WT1: variants seen among roughly 807,000 people sequenced by gnomAD.
The protein encoded by WT1 is Wilms tumor protein.
In WT1, 8 loss-of-function variants were observed where a neutral mutation model predicts 60.8. The observed-to-expected ratio is 0.13, with a 90% CI of 0.08 to 0.24. The LOEUF is 0.24. WT1 is among the 10% of genes least tolerant of loss of function. The pLI is 1.00. For missense variants in WT1, 568 were observed against 711.8 expected, an observed-to-expected ratio of 0.80 and a Z score of 2.30; for synonymous variants, 312 against 297.1, an observed-to-expected ratio of 1.05 and a Z score of -0.52.
rs1853459284 is a variant in WT1, at chr11:32,435,032, A to G, written c.329T>C (p.Val110Ala). ...AGCGCCCGGGGGCGCAAAGTCCAGC[A>G]CCGGCGCCCACTGCGCCGCGCCGCT... The change falls in exon 1 of 10, where the codon GTG becomes GCG. Residue 110 changes from valine to alanine, a missense_variant. By Grantham distance (64) the Val-to-Ala change is moderately conservative. Around this residue, in one of 3 missense-constraint regions of WT1, gnomAD observed 523 missense variants for 565.1 expected, o/e 0.93. Transcript: ENST00000452863. 6 of 1,464,572 alleles carry G rather than the reference A, an allele frequency of 4.1e-6. No homozygotes were observed. Among genetic ancestry groups the G allele is most frequent in the Middle Eastern group, 2.5e-4 (1 of 4,078 alleles). 90.7% of individuals were successfully genotyped at this position (1,464,572 alleles called of 1,614,324 possible).
intron 5 of WT1, among the ~76,000 whole-genome samples, chr11:32,405,548 T>C (rs764918442): frequency 6.7e-6 from 1 of 150,004 alleles, no homozygotes; most frequent in East Asian, 1.9e-4. Context: ...ATATACAGAA[T>C]ATATACTTAT....
rs5030323 is a variant in WT1 at position 32,388,194 on chromosome 11, A to T, written c.*864T>A. On this transcript the variant is annotated 3_prime_UTR_variant, in exon 10 of 10. Transcript: ENST00000452863. ...CTTTTAAAGTCACTTTCATTTTTAC[A>T]ACTTGAAGCCATATACCAGCATGGT... 3.3e-3 allele frequency: 768 copies of T among 233,710 alleles called. 9 individuals carry two copies. The highest frequency in any genetic ancestry group is 0.016 in the African/African-American group (733 of 45,398). The allele number at this position is 233,710 out of a possible 1,614,324, so 14.5% of individuals were successfully genotyped here. A position where few individuals can be genotyped will look rare whatever the true frequency, so the allele number is the denominator to read the frequency against.
intron 3 of WT1, among the ~76,000 whole-genome samples, chr11:32,427,003 C>T (rs1402821942): frequency 6.6e-6 from 1 of 152,170 alleles, no homozygotes; most frequent in Admixed American, 6.5e-5. Context: ...ACGTCAGCCC[C>T]GGGTCCCCGC....
At position 32,430,491 on chromosome 11, in the gene WT1, A is replaced by AGAGAGAGAGAGAGAGAGG. The variant is rs757737927; in HGVS notation, c.662-1873_662-1872insCCTCTCTCTCTCTCTCTC. On this transcript the variant is annotated intron_variant, in intron 1 of 9. Transcript: ENST00000452863. ...GAGAGAGAGAGAGAGAGAGAGAGAG[A>AGAGAGAGAGAGAGAGAGG]CGAAATAGAAGCTACGAAGAAGTTT... 1.7e-5 allele frequency: 26 copies of AGAGAGAGAGAGAGAGAGG among 1,561,524 alleles called. No individual in the cohort carries two copies. In the African/African-American group the frequency reaches 2.8e-4, roughly 17 times the overall value.
At chr11:32,426,730 G>A (rs942422617) in intron 3 of WT1, among the ~76,000 whole-genome samples, 1 of 152,224 alleles carries the variant, frequency 6.6e-6, no homozygotes. Context: ...CGCCTCAGGC[G>A]TTAGAAATAG....
intron 5 of WT1, among the ~76,000 whole-genome samples, chr11:32,414,152 AT>A (rs1297184495): frequency 6.6e-6 from 1 of 152,232 alleles, no homozygotes; most frequent in African/African-American, 2.4e-5. Context: ...GCTAATTGTA[AT>A]TTTTGCTCTG....
chr11:32,389,796 T>C (rs756997790), intron 9 of WT1, among the ~76,000 whole-genome samples: 6 of 152,102 alleles, frequency 3.9e-5, no homozygotes, highest in South Asian at 2.1e-4. Context: ...AAGATTCTAG[T>C]TGGGGCGTGG....
At position 32,434,681 on chromosome 11, in the gene WT1, C is replaced by G. The variant is rs1413587778; in HGVS notation, c.661+19G>C. 1.2e-6 allele frequency: 2 copies of G among 1,612,518 alleles called. No individual in the cohort carries two copies. The highest frequency in any genetic ancestry group is 1.7e-6 in the Non-Finnish European group (2 of 1,179,890). ...GCGCCACTGCCCCGCGCGTAGGGGG[C>G]GCTCCCCGGCCTACTTACCCTGATT... is the stretch of plus-strand genomic sequence containing the variant. On this transcript the variant is annotated intron_variant, in intron 1 of 9. Coordinates refer to ENST00000452863, the MANE Select transcript of WT1 (RefSeq NM_024426.6).
At chr11:32,415,495 A>G (rs1489228918) in intron 5 of WT1, among the ~76,000 whole-genome samples, 2 of 152,210 alleles carry the variant, frequency 1.3e-5, no homozygotes, top group Non-Finnish European at 2.9e-5. Flanking sequence ...CTAAAAATAC[A>G]AAATTAGCCG....
intron 5 of WT1, among the ~76,000 whole-genome samples, chr11:32,414,864 C>T (rs2133024686): frequency 1.4e-5 from 2 of 145,480 alleles, no homozygotes; most frequent in East Asian, 4.0e-4. Context: ...CAGAGTGGGA[C>T]TCCATATCAA....
chr11:32,387,960 G>A lies in WT1; in HGVS notation c.*1098C>T, dbSNP rs5030327. On this transcript the variant is annotated 3_prime_UTR_variant, in exon 10 of 10. Coordinates refer to ENST00000452863, the MANE Select transcript of WT1 (RefSeq NM_024426.6). ...TATTTACACAGTAATTTCAAGCAAC[G>A]GTAAATAATAAATTCCCTCCCTTAA... The A allele has an allele frequency of 5.6e-3, 1,294 of 232,172 alleles. 17 individuals carry two copies. The highest frequency in any genetic ancestry group is 0.027 in the African/African-American group (1,224 of 44,670). The allele number at this position is 232,172 out of a possible 1,614,324, so 14.4% of individuals were successfully genotyped here. A position where few individuals can be genotyped will look rare whatever the true frequency, so the allele number is the denominator to read the frequency against.
intron 1 of WT1, chr11:32,430,704 C>G: frequency 4.9e-6 from 7 of 1,422,254 alleles, no homozygotes; most frequent in Non-Finnish European, 6.4e-6. Flanking sequence ...GCCCGTGGCC[C>G]GCGAGCCCTC....
chr11:32,404,299 C>G (rs1465038834), intron 5 of WT1, among the ~76,000 whole-genome samples: 1 of 144,130 alleles, frequency 6.9e-6, no homozygotes, highest in East Asian at 2.0e-4. Context: ...AGATTTCAAA[C>G]AGTTTTCATG....
In WT1 at chr11:32,434,694, A is replaced by G. The variant is rs557166021; in HGVS notation, c.661+6T>C. 14 of 1,612,704 alleles carry G rather than the reference A, an allele frequency of 8.7e-6. No homozygotes were observed. Among genetic ancestry groups the G allele is most frequent in the Middle Eastern group, 1.7e-4 (1 of 6,036 alleles). ...GCGCGTAGGGGGCGCTCCCCGGCCT[A>G]CTTACCCTGATTGCGAATAGCGGGC... On this transcript the variant is annotated splice_donor_region_variant and intron_variant, in intron 1 of 9. Coordinates refer to ENST00000452863, the MANE Select transcript of WT1 (RefSeq NM_024426.6).
At position 32,388,445 on chromosome 11, in the gene WT1, TA is replaced by T. The variant is rs1163934572; in HGVS notation, c.*612del. 2 of 237,244 alleles carry T rather than the reference TA, an allele frequency of 8.4e-6. No individual in the cohort carries two copies. The highest frequency in any genetic ancestry group is 1.7e-5 in the Non-Finnish European group (2 of 120,198). The allele number at this position is 237,244 out of a possible 1,614,324, so 14.7% of individuals were successfully genotyped here. ...TAGATTTCTATACAGAGGTACTGGT[TA>T]GTTCTGATTTTTTCTTCAGCTGCTT... On this transcript the variant is annotated 3_prime_UTR_variant, in exon 10 of 10. Transcript: ENST00000452863.
intron 5 of WT1, among the ~76,000 whole-genome samples, chr11:32,404,143 G>A (rs1237898508): frequency 6.6e-6 from 1 of 151,658 alleles, no homozygotes; most frequent in Admixed American, 6.6e-5. Context: ...GGTGGCACGT[G>A]CCTCTAATCC....
At position 32,399,969 on chromosome 11, in the gene WT1, G is replaced by A. The variant is rs587778756; in HGVS notation, c.1092C>T (p.His364=). Residue 364 remains histidine (H), a synonymous_variant, in exon 6 of 10, where the codon CAC becomes CAT. Transcript: ENST00000452863. ...TCACCTGAATGCCTCTGAAGACACC[G>A]TGCGTGTGTATTCTGTATTGGGCTC... The A allele has an allele frequency of 6.2e-7, 1 of 1,614,190 alleles. No individual in the cohort carries two copies. Among genetic ancestry groups the A allele is most frequent in the East Asian group, 2.2e-5 (1 of 44,886 alleles).
intron 3 of WT1, among the ~76,000 whole-genome samples, chr11:32,419,493 T>C (rs1298096876): frequency 1.3e-5 from 2 of 152,224 alleles, no homozygotes; most frequent in Non-Finnish European, 2.9e-5. Flanking sequence ...GGGATCTTTC[T>C]GAAATTATTT....
intron 7 of WT1, among the ~76,000 whole-genome samples, chr11:32,394,906 T>C (rs1165168146): frequency 2.0e-5 from 3 of 152,222 alleles, no homozygotes; most frequent in Non-Finnish European, 4.4e-5. Flanking sequence ...TTGCCTTCAT[T>C]TATTCCCTTG....
Sources: allele counts gnomAD v4.1 joint callset (sites outside exome capture counted in the v4.1 genomes callset), GRCh38; gene constraint gnomAD v4.1.1; regional missense constraint gnomAD v4.1.1; transcripts MANE v1.5; gene names NCBI Gene and HGNC (gene_info 2026-07-23, HGNC 2026-07-21).